RADIL: variants seen among roughly 807,000 people sequenced by gnomAD.
The protein encoded by RADIL is Rap associating with DIL domain.
Under a neutral mutation model 97.6 loss-of-function variants are expected in RADIL, and 99 were observed. The observed-to-expected ratio is 1.01, with a 90% CI of 0.86 to 1.20. RADIL has a LOEUF of 1.20. Among genes scored for constraint, RADIL ranks in the 50% most tolerant of loss-of-function variants. RADIL has a pLI of 0.00. For synonymous variants in RADIL, 803 were observed against 691.8 expected, an observed-to-expected ratio of 1.16 and a Z score of -2.52; for missense variants, 1,765 against 1,498.9, an observed-to-expected ratio of 1.18 and a Z score of -2.93.
intron 9 of RADIL, among the ~76,000 whole-genome samples, chr7:4,811,918 A>C (rs1409590121): frequency 6.6e-6 from 1 of 152,052 alleles, no homozygotes; most frequent in Admixed American, 6.6e-5. Flanking sequence ...TCTGACGTCC[A>C]GGCTGGAGTG....
intron 13 of RADIL, 68 bp from the exon 14 acceptor site, chr7:4,799,837 GC>G (rs1782019575): frequency 7.0e-7 from 1 of 1,438,024 alleles, no homozygotes; most frequent in Non-Finnish European, 9.1e-7. Flanking sequence ...GACCACTGCA[GC>G]CCCTCCCTTG....
At position 4,814,551 on chromosome 7, in the gene RADIL, G is replaced by T. The variant is rs1782627456; in HGVS notation, c.2139+727C>A. The stretch of plus-strand genomic sequence containing the variant: ...TGTGTTGGGAAGGGGGGTGGTGAGT[G>T]GCTGACTGTGTTGGGAGGGGGGTGG... On this transcript the variant is annotated intron_variant, in intron 9 of 14. Coordinates refer to ENST00000399583, the MANE Select transcript of RADIL (RefSeq NM_018059.5). This position sits in a 1 kb window ranked among gnomAD's most constrained non-coding sequence, Gnocchi z 4.5. 6.6e-6 allele frequency among the ~76,000 whole-genome samples: 1 copy of T among 151,922 alleles called. No homozygotes were observed. Among genetic ancestry groups the T allele is most frequent in the African/African-American group, 2.4e-5 (1 of 41,350 alleles).
chr7:4,810,501 C>T (rs1413029121), intron 9 of RADIL, among the ~76,000 whole-genome samples: 1 of 152,144 alleles, frequency 6.6e-6, no homozygotes, highest in Non-Finnish European at 1.5e-5. Context: ...GTTGCTCTGC[C>T]GTATTTCACT....
chr7:4,883,642 C>T lies in RADIL; in HGVS notation c.-111G>A, dbSNP rs4724147. The T allele has an allele frequency of 0.41, 62,203 of 151,770 alleles. 14,615 individuals carry two copies. Among genetic ancestry groups the T allele is most frequent in the African/African-American group, 0.65 (26,883 of 41,442 alleles). 9.4% of individuals were successfully genotyped at this position (151,770 alleles called of 1,614,324 possible). ...CGCCACGTTCCCGCGCTGCTCCCAC[C>T]CGCCGTTGGCTGGGGCCGGCGCCCA... On this transcript the variant is annotated 5_prime_UTR_variant, in exon 1 of 15. Coordinates refer to ENST00000399583, the MANE Select transcript of RADIL (RefSeq NM_018059.5). The surrounding 1 kb of genome is among the most constrained non-coding windows in gnomAD (Gnocchi z 7.1).
chr7:4,812,674 A>C (rs1440616280), intron 9 of RADIL, among the ~76,000 whole-genome samples: 1 of 152,084 alleles, frequency 6.6e-6, no homozygotes, highest in Non-Finnish European at 1.5e-5. Context: ...CACCTGCCTC[A>C]GCCTCCCAAA....
In RADIL at chr7:4,878,085, G is replaced by A. The variant is rs756369014; in HGVS notation, c.55C>T (p.Arg19Trp). ...ATGCTGGACAACAGCTGGCTCTGCC[G>A]CTTCAGTTTGCTCTTGGTGGGCGGG... ...MSPPTKSKLK[R>W]QSQLLSSMLS... The change falls in exon 2 of 15, where the codon CGG (arginine) becomes TGG (tryptophan). Residue 19 changes from arginine to tryptophan, a missense_variant. Physicochemically the swap from Arg to Trp is moderately radical, Grantham distance 101 (BLOSUM62 -3). Transcript: ENST00000399583. The surrounding 1 kb of genome is among the most constrained non-coding windows in gnomAD (Gnocchi z 4.1). The A allele has an allele frequency of 1.1e-5, 17 of 1,592,346 alleles. No individual in the cohort carries two copies. The highest frequency in any genetic ancestry group is 5.4e-5 in the African/African-American group (4 of 74,600).
rs973646435 is a variant in RADIL, at chr7:4,834,475, G to A, written c.1416+132C>T. 15 of 1,081,936 alleles carry A rather than the reference G, an allele frequency of 1.4e-5. No homozygotes were observed. The highest frequency in any genetic ancestry group is 1.6e-5 in the African/African-American group (1 of 61,204). 67.0% of individuals were successfully genotyped at this position (1,081,936 alleles called of 1,614,324 possible). A position where few individuals can be genotyped will look rare whatever the true frequency, so the allele number is the denominator to read the frequency against. On this transcript the variant is annotated intron_variant, in intron 4 of 14. Coordinates refer to ENST00000399583, the MANE Select transcript of RADIL (RefSeq NM_018059.5). This position sits in a 1 kb window ranked among gnomAD's most constrained non-coding sequence, Gnocchi z 6.0. The stretch of plus-strand genomic sequence containing the variant: ...GGGCAGCGACAGGCAGGGAAAGGCC[G>A]CCCTGCGCTCAGCAGCACAGCACCG...
rs1161587720 is a variant in RADIL, at chr7:4,878,172, G to A, written c.-33C>T. 1 of 1,492,790 alleles carries A rather than the reference G, an allele frequency of 6.7e-7. No individual in the cohort carries two copies. Among genetic ancestry groups the A allele is most frequent in the Admixed American group, 2.2e-5 (1 of 45,084 alleles). The allele number at this position is 1,492,790 out of a possible 1,614,324, so 92.5% of individuals were successfully genotyped here. On this transcript the variant is annotated 5_prime_UTR_variant, in exon 2 of 15. Coordinates refer to ENST00000399583, the MANE Select transcript of RADIL (RefSeq NM_018059.5). The surrounding 1 kb of genome is among the most constrained non-coding windows in gnomAD (Gnocchi z 4.1). ...GAGGCTTCATGGATGAGGACTGTGG[G>A]CTTCAGCCAAAGGATGTGGGGAGGC...
Position 4,832,198 on chromosome 7 carries a change from G to GAA in RADIL, c.1417-22_1417-21dup. ...TTTCTCCTACAATTACAAAGCGGGA[G>GAA]AAAAAGCAAGTGAGCAAAACAGGCT... On this transcript the variant is annotated intron_variant, in intron 4 of 14. Coordinates refer to ENST00000399583, the MANE Select transcript of RADIL (RefSeq NM_018059.5). 1 of 1,608,468 alleles carries GAA rather than the reference G, an allele frequency of 6.2e-7. No individual in the cohort carries two copies. The highest frequency in any genetic ancestry group is 1.3e-5 in the African/African-American group (1 of 74,778).
intron 2 of RADIL, chr7:4,859,672 T>C: frequency 1.8e-6 from 1 of 544,786 alleles, no homozygotes; most frequent in East Asian, 3.1e-5. Flanking sequence ...TTTTTAACCA[T>C]TCAACCTGTT....
At chr7:4,838,628 G>T (rs567254812) in intron 2 of RADIL, among the ~76,000 whole-genome samples, 13 of 152,302 alleles carry the variant, frequency 8.5e-5, no homozygotes, top group African/African-American at 3.1e-4. Flanking sequence ...ACACGCAGGG[G>T]CCACTCCCAG....
chr7:4,832,428 T>C (rs1431605619), intron 4 of RADIL, among the ~76,000 whole-genome samples: 1 of 152,148 alleles, frequency 6.6e-6, no homozygotes, highest in African/African-American at 2.4e-5. Flanking sequence ...CTAGCTTACA[T>C]AACAACCGGC....
In RADIL at chr7:4,813,074, T is replaced by TCTCTCTCTCTCTCTCTCTCTCTCTC. The variant is rs1562432542; in HGVS notation, c.2139+2203_2139+2204insGAGAGAGAGAGAGAGAGAGAGAGAG. 6.8e-6 allele frequency among the ~76,000 whole-genome samples: 1 copy of TCTCTCTCTCTCTCTCTCTCTCTCTC among 147,704 alleles called. No homozygotes were observed. The highest frequency in any genetic ancestry group is 2.5e-5 in the African/African-American group (1 of 39,766). On this transcript the variant is annotated intron_variant, in intron 9 of 14. Coordinates refer to ENST00000399583, the MANE Select transcript of RADIL (RefSeq NM_018059.5). This position sits in a 1 kb window ranked among gnomAD's most constrained non-coding sequence, Gnocchi z 5.0. Reference sequence around the variant, plus strand: ...TTCATCCTTACCCCAAGGTTCTTCTTTCTCTCTCTCTCTCTCTCTCTCTCT... The same window carrying TCTCTCTCTCTCTCTCTCTCTCTCTC: ...TTCATCCTTACCCCAAGGTTCTTCTTCTCTCTCTCTCTCTCTCTCTCTCTCTCTCTCTCTCTCTCTCTCTCTCTCT...
At chr7:4,861,056 A>G in intron 2 of RADIL, 5 of 1,614,242 alleles carry the variant, frequency 3.1e-6, no homozygotes, top group Non-Finnish European at 4.2e-6. Context: ...TGCTACTAGC[A>G]TGGCCCAGGA....
chr7:4,802,695 G>T (rs1226396361), intron 11 of RADIL, among the ~76,000 whole-genome samples: 19 of 105,336 alleles, frequency 1.8e-4, no homozygotes, highest in South Asian at 6.6e-4. Flanking sequence ...CTCGGGGCAC[G>T]CTGGCTGGGT....
chr7:4,827,525 GT>G (rs1783026028), intron 5 of RADIL, among the ~76,000 whole-genome samples: 1 of 152,004 alleles, frequency 6.6e-6, no homozygotes, highest in South Asian at 2.1e-4. Flanking sequence ...GCCGGGCGTG[GT>G]TGCAGGCGCC....
rs1234718899 is a variant in RADIL at position 4,880,196 on chromosome 7, G to A, written c.-64-1993C>T. Among the ~76,000 whole-genome samples the A allele has an allele frequency of 1.2e-4, 18 of 152,072 alleles. No homozygotes were observed. The highest frequency in any genetic ancestry group is 9.8e-4 in the Admixed American group (15 of 15,260). On this transcript the variant is annotated intron_variant, in intron 1 of 14. Coordinates refer to ENST00000399583, the MANE Select transcript of RADIL (RefSeq NM_018059.5). The surrounding 1 kb of genome is among the most constrained non-coding windows in gnomAD (Gnocchi z 4.5). Reference sequence around the variant, plus strand: ...GCAGATGGAGCCTTGAGGTTCCATCGAGCCAGGCCATAAAGGAGTAAAGGA... The same window carrying A: ...GCAGATGGAGCCTTGAGGTTCCATCAAGCCAGGCCATAAAGGAGTAAAGGA...
intron 11 of RADIL, 77 bp from the exon 12 acceptor site, chr7:4,802,072 C>T (rs1028830896): frequency 1.6e-6 from 2 of 1,270,220 alleles, no homozygotes; most frequent in African/African-American, 1.5e-5. Context: ...GGGCAGCCTG[C>T]AGCAGAAGGG....
chr7:4,809,338 T>C, intron 9 of RADIL: 27 of 985,280 alleles, frequency 2.7e-5, no homozygotes, highest in Non-Finnish European at 3.3e-5. Context: ...GGAGAAGTCC[T>C]GTTTTCAACG....
Sources: allele counts gnomAD v4.1 joint callset (sites outside exome capture counted in the v4.1 genomes callset), GRCh38; gene constraint gnomAD v4.1.1; non-coding constraint Gnocchi (gnomAD v3.1); transcripts MANE v1.5; gene names NCBI Gene and HGNC (gene_info 2026-07-23, HGNC 2026-07-21).